The following TMEM45A variants were observed in gnomAD, a reference collection of about 807,000 sequenced individuals.
TMEM45A encodes the protein DNA polymerase-transactivated protein 4.
Under a neutral mutation model 32.0 loss-of-function variants are expected in TMEM45A, and 25 were observed. That is an observed-to-expected ratio of 0.78 (90% CI 0.57 to 1.09). The LOEUF (loss-of-function observed/expected upper bound fraction) is 1.09. Among genes scored for constraint, TMEM45A ranks in the 50% least tolerant of loss-of-function variants. The pLI, the probability that TMEM45A is intolerant of heterozygous loss-of-function variation, is 0.00. For synonymous variants in TMEM45A, 122 were observed against 114.8 expected, an observed-to-expected ratio of 1.06 and a Z score of -0.40; for missense variants, 302 against 325.0, an observed-to-expected ratio of 0.93 and a Z score of 0.54.
chr3:100,568,347 C>T (rs1338157219), intron 4 of TMEM45A, among the ~76,000 whole-genome samples: 1 of 152,114 alleles, frequency 6.6e-6, no homozygotes, highest in Non-Finnish European at 1.5e-5. Context: ...AACTTAATTG[C>T]TCTAGCTAAG....
At chr3:100,544,078 G>T (rs79509417) in intron 1 of TMEM45A, among the ~76,000 whole-genome samples, 13,743 of 143,296 alleles carry the variant, frequency 0.096, 2,100 homozygotes, top group African/African-American at 0.33. Context: ...GTTTTAAGTG[G>T]TTTTTTTTTT....
intron 1 of TMEM45A, among the ~76,000 whole-genome samples, chr3:100,539,378 G>T (rs896061770): frequency 6.6e-6 from 1 of 150,816 alleles, no homozygotes. Flanking sequence ...AGATGGAGCT[G>T]AACAACTGTA....
chr3:100,519,042 A>G (rs1705367416), intron 1 of TMEM45A: 1 of 156,728 alleles, frequency 6.4e-6, no homozygotes, highest in Admixed American at 6.1e-5. Context: ...ATGGGTTGAC[A>G]ATCAGATTTA....
chr3:100,514,802 A>C (rs1378653726), intron 1 of TMEM45A, among the ~76,000 whole-genome samples: 3 of 151,570 alleles, frequency 2.0e-5, no homozygotes, highest in African/African-American at 7.3e-5. Context: ...CAACCCCATC[A>C]AAAAGTGGGC....
At chr3:100,502,977 T>TCTCCTCTTCCTCCTTCTCCTC (rs1482726414) in intron 1 of TMEM45A, among the ~76,000 whole-genome samples, 3 of 151,132 alleles carry the variant, frequency 2.0e-5, no homozygotes, top group Admixed American at 6.6e-5. Context: ...TCCTTCTCCT[T>TCTCCTCTTCCTCCTTCTCCTC]CTCCTCTTCC....
At chr3:100,524,075 CT>C (rs1422868250) in intron 1 of TMEM45A, among the ~76,000 whole-genome samples, 3 of 152,214 alleles carry the variant, frequency 2.0e-5, no homozygotes, top group Admixed American at 2.0e-4. Flanking sequence ...AGGAGAATGT[CT>C]GTGGGATTCA....
intron 1 of TMEM45A, among the ~76,000 whole-genome samples, chr3:100,517,547 T>C (rs942494112): frequency 6.6e-6 from 1 of 152,246 alleles, no homozygotes; most frequent in African/African-American, 2.4e-5. Flanking sequence ...AGTTAACAAA[T>C]GACGTTTAGA....
At chr3:100,575,021 C>A (rs974944000) in intron 5 of TMEM45A, among the ~76,000 whole-genome samples, 1 of 152,102 alleles carries the variant, frequency 6.6e-6, no homozygotes, top group African/African-American at 2.4e-5. Context: ...TTGATACAGG[C>A]AGGCCAGACT....
At chr3:100,571,715 T>C (rs7617909) in intron 5 of TMEM45A, 76,694 of 151,126 alleles carry the variant, frequency 0.51, 20,956 homozygotes, top group African/African-American at 0.74. Flanking sequence ...CATCATTTAG[T>C]GTTAGGTATA....
At chr3:100,500,437 A>G (rs1273379518) in intron 1 of TMEM45A, among the ~76,000 whole-genome samples, 2 of 151,640 alleles carry the variant, frequency 1.3e-5, no homozygotes, top group Non-Finnish European at 2.9e-5. Flanking sequence ...CTTTTTCTAT[A>G]ACACGTAACA....
chr3:100,540,954 G>C (rs1244721457), intron 1 of TMEM45A, among the ~76,000 whole-genome samples: 1 of 152,142 alleles, frequency 6.6e-6, no homozygotes, highest in Admixed American at 6.5e-5. Flanking sequence ...CAGTGTACAA[G>C]TGTTCCCTTT....
intron 3 of TMEM45A, among the ~76,000 whole-genome samples, chr3:100,558,191 C>A (rs1368393949): frequency 6.6e-6 from 1 of 152,092 alleles, no homozygotes; most frequent in Non-Finnish European, 1.5e-5. Context: ...GAATAAAGGT[C>A]AGGGAAAGCA....
intron 4 of TMEM45A, among the ~76,000 whole-genome samples, chr3:100,566,267 C>A (rs1473574480): frequency 6.6e-6 from 1 of 152,018 alleles, no homozygotes; most frequent in Non-Finnish European, 1.5e-5. Flanking sequence ...ATTTTTAGTT[C>A]TTTTGGGTAG....
intron 1 of TMEM45A, among the ~76,000 whole-genome samples, chr3:100,526,664 A>G (rs1215576907): frequency 1.3e-5 from 2 of 152,178 alleles, no homozygotes; most frequent in Non-Finnish European, 2.9e-5. Flanking sequence ...GCCATAAAGA[A>G]CTTTGTTATT....
In TMEM45A at chr3:100,515,048, C is replaced by G. The variant is rs542745148; in HGVS notation, c.-4+22120C>G. ...TTGGTGGGACTGTAAACTAGTTCAA[C>G]CATTGTGGAAGTCAGTGTGGCGATT... is the stretch of plus-strand genomic sequence containing the variant. On this transcript the variant is annotated intron_variant, in intron 1 of 5. Coordinates refer to ENST00000323523, the MANE Select transcript of TMEM45A (RefSeq NM_018004.3). Among the ~76,000 whole-genome samples, 40 of 149,154 alleles carry G rather than the reference C, an allele frequency of 2.7e-4. No individual in the cohort carries two copies. In the East Asian group the frequency reaches 6.7e-3, roughly 25 times the overall value.
At chr3:100,534,397 C>T (rs549042398) in intron 1 of TMEM45A, among the ~76,000 whole-genome samples, 39 of 152,180 alleles carry the variant, frequency 2.6e-4, no homozygotes, top group African/African-American at 8.4e-4. Flanking sequence ...GCAGGAGGAT[C>T]GGACTCAGAA....
intron 1 of TMEM45A, among the ~76,000 whole-genome samples, chr3:100,496,507 T>C (rs1284040953): frequency 6.6e-6 from 1 of 152,216 alleles, no homozygotes; most frequent in Non-Finnish European, 1.5e-5. Context: ...TTAGGTATAA[T>C]ACAGCTACAG....
In TMEM45A at chr3:100,577,037, T is replaced by G; in HGVS notation, c.*19T>G. On this transcript the variant is annotated 3_prime_UTR_variant, in exon 6 of 6. Transcript: ENST00000323523. ...AATGTGACTTTGATGAGCTTCCAGT[T>G]TTTCTAGATAAACCTTTTCTTTTTT... 6.3e-7 allele frequency: 1 copy of G among 1,591,680 alleles called. No individual in the cohort carries two copies. Among genetic ancestry groups the G allele is most frequent in the Non-Finnish European group, 8.6e-7 (1 of 1,165,218 alleles).
intron 4 of TMEM45A, among the ~76,000 whole-genome samples, chr3:100,562,544 G>A (rs1401102491): frequency 6.6e-6 from 1 of 152,180 alleles, no homozygotes; most frequent in Non-Finnish European, 1.5e-5. Context: ...AAAAAGTTTG[G>A]TAGAATTAAT....
Sources: allele counts gnomAD v4.1 joint callset (sites outside exome capture counted in the v4.1 genomes callset), GRCh38; gene constraint gnomAD v4.1.1; transcripts MANE v1.5; gene names NCBI Gene and HGNC (gene_info 2026-07-23, HGNC 2026-07-21).